Variants in OXR1 observed in about 807,000 individuals in gnomAD.
OXR1 encodes oxidation resistance 1.
Under a neutral mutation model 104.6 loss-of-function variants are expected in OXR1, and 41 were observed. The ratio of observed to expected loss-of-function variants is 0.39; its 90% confidence interval spans 0.31 to 0.51. The LOEUF is 0.51. Among genes scored for constraint, OXR1 ranks in the 20% least tolerant of loss-of-function variants. The pLI, the probability that OXR1 is intolerant of heterozygous loss-of-function variation, is 0.77. For synonymous variants in OXR1, 348 were observed against 348.4 expected, an observed-to-expected ratio of 1.00 and a Z score of 0.01; for missense variants, 955 against 1,031.9, an observed-to-expected ratio of 0.93 and a Z score of 1.02.
At chr8:106,478,160 A>G (rs977105183) in intron 2 of OXR1, among the ~76,000 whole-genome samples, 3 of 151,932 alleles carry the variant, frequency 2.0e-5, no homozygotes, top group African/African-American at 4.8e-5. Context: ...TGTTATATAA[A>G]TAGTTGAGAA....
At chr8:106,694,865 TTA>T (rs1231273524) in intron 7 of OXR1, among the ~76,000 whole-genome samples, 3 of 130,164 alleles carry the variant, frequency 2.3e-5, no homozygotes, top group Non-Finnish European at 4.7e-5. Flanking sequence ...ATAAATACAT[TTA>T]TATATAATAT....
chr8:106,304,730 C>G (rs1326324720), intron 1 of OXR1, among the ~76,000 whole-genome samples: 1 of 152,132 alleles, frequency 6.6e-6, no homozygotes, highest in East Asian at 1.9e-4. Context: ...AAATTAGCCT[C>G]TTTTTAAGGG....
intron 3 of OXR1, among the ~76,000 whole-genome samples, chr8:106,555,212 TA>T (rs1172302029): frequency 6.6e-6 from 1 of 152,162 alleles, no homozygotes; most frequent in Non-Finnish European, 1.5e-5. Context: ...TTATATTTTT[TA>T]AAAGCTCTTC....
intron 3 of OXR1, among the ~76,000 whole-genome samples, chr8:106,589,922 C>G (rs1479252194): frequency 6.6e-6 from 1 of 152,202 alleles, no homozygotes; most frequent in African/African-American, 2.4e-5. Context: ...CCACCTCAGC[C>G]TCCCAAAGTG....
At chr8:106,554,683 G>A (rs576620123) in intron 3 of OXR1, among the ~76,000 whole-genome samples, 31 of 152,196 alleles carry the variant, frequency 2.0e-4, no homozygotes, top group African/African-American at 6.0e-4. Flanking sequence ...AGTGACTTAT[G>A]TCACCCCCAG....
chr8:106,292,761 G>C (rs1271678800), intron 1 of OXR1, among the ~76,000 whole-genome samples: 1 of 152,224 alleles, frequency 6.6e-6, no homozygotes, highest in African/African-American at 2.4e-5. Flanking sequence ...AGAAGACAGG[G>C]AGGCACCAGG....
intron 3 of OXR1, chr8:106,580,880 G>A (rs1398629022): frequency 3.9e-6 from 2 of 508,276 alleles, no homozygotes; most frequent in Non-Finnish European, 5.1e-6. Flanking sequence ...CCTTTCAAGT[G>A]TGTTCACTTT....
In OXR1 at chr8:106,402,701, C is replaced by T. The variant is rs763003788; in HGVS notation, c.23+43065C>T. On this transcript the variant is annotated intron_variant, in intron 2 of 16. Coordinates refer to ENST00000517566, the MANE Select transcript of OXR1 (RefSeq NM_001198533.2). ...TACTGTAGTAAAAGGCTATAGGTCACTTTGGAAAAGCCTGGGAAAAAGAAT... is the reference window on the plus strand; with the variant it reads ...TACTGTAGTAAAAGGCTATAGGTCATTTTGGAAAAGCCTGGGAAAAAGAAT... 2.0e-4 allele frequency among the ~76,000 whole-genome samples: 31 copies of T among 152,184 alleles called. 1 individual carries two copies. The highest frequency in any genetic ancestry group is 4.4e-5 in the Non-Finnish European group (3 of 68,046).
intron 3 of OXR1, among the ~76,000 whole-genome samples, chr8:106,659,698 C>T (rs1451643830): frequency 6.6e-6 from 1 of 152,208 alleles, no homozygotes; most frequent in Non-Finnish European, 1.5e-5. Flanking sequence ...TATGGCCAAA[C>T]ACGTGTATCT....
chr8:106,324,989 A>G (rs537791131), intron 1 of OXR1, among the ~76,000 whole-genome samples: 27 of 152,308 alleles, frequency 1.8e-4, no homozygotes, highest in Non-Finnish European at 3.2e-4. Context: ...ATCTTTTCAT[A>G]ATTCCTGCTA....
At chr8:106,697,920 G>T in intron 7 of OXR1, 1 of 1,612,254 alleles carries the variant, frequency 6.2e-7, no homozygotes, top group South Asian at 1.1e-5. Flanking sequence ...TGATCCACTG[G>T]ATCAGGATCT....
chr8:106,339,615 G>A (rs1300509480), intron 1 of OXR1, among the ~76,000 whole-genome samples: 4 of 140,762 alleles, frequency 2.8e-5, no homozygotes, highest in African/African-American at 1.0e-4. Context: ...AGCATGCACT[G>A]CTATTTAGAT....
At chr8:106,655,703 G>C (rs1342653731) in intron 3 of OXR1, among the ~76,000 whole-genome samples, 2 of 152,060 alleles carry the variant, frequency 1.3e-5, no homozygotes, top group Non-Finnish European at 2.9e-5. Context: ...TGACAGTTCA[G>C]ACAACAAATA....
At chr8:106,632,853 C>G (rs561987137) in intron 3 of OXR1, among the ~76,000 whole-genome samples, 18 of 152,278 alleles carry the variant, frequency 1.2e-4, no homozygotes, top group African/African-American at 4.3e-4. Flanking sequence ...GTGGGAGGCT[C>G]ACTTGAGCCC....
intron 2 of OXR1, among the ~76,000 whole-genome samples, chr8:106,439,536 C>CT (rs371457136): frequency 6.6e-6 from 1 of 151,828 alleles, no homozygotes; most frequent in African/African-American, 2.4e-5. Flanking sequence ...ATTTGCTTTC[C>CT]TTTTTTTCTG....
At chr8:106,539,746 ATACTC>A (rs1292867906) in intron 3 of OXR1, among the ~76,000 whole-genome samples, 1 of 152,194 alleles carries the variant, frequency 6.6e-6, no homozygotes, top group Non-Finnish European at 1.5e-5. Flanking sequence ...ACATGAGATA[ATACTC>A]CTAGTTTTGA....
chr8:106,567,629 A>G (rs1817176505), intron 3 of OXR1, among the ~76,000 whole-genome samples: 1 of 152,178 alleles, frequency 6.6e-6, no homozygotes, highest in Admixed American at 6.6e-5. Context: ...GGAAGCTTAC[A>G]TTTGTGTGTC....
At chr8:106,684,848 T>A (rs1828536322) in intron 6 of OXR1, among the ~76,000 whole-genome samples, 1 of 152,236 alleles carries the variant, frequency 6.6e-6, no homozygotes, top group Non-Finnish European at 1.5e-5. Flanking sequence ...ATGAGTGTTC[T>A]AATAACTTAC....
chr8:106,570,121 A>G (rs1317833767), intron 3 of OXR1, among the ~76,000 whole-genome samples: 8 of 152,202 alleles, frequency 5.3e-5, no homozygotes, highest in Non-Finnish European at 1.0e-4. Flanking sequence ...CTTAATGTGA[A>G]CAATAAATCT....
Sources: allele counts gnomAD v4.1 joint callset (sites outside exome capture counted in the v4.1 genomes callset), GRCh38; gene constraint gnomAD v4.1.1; transcripts MANE v1.5; gene names NCBI Gene and HGNC (gene_info 2026-07-23, HGNC 2026-07-21).